The following EYS variants were observed in gnomAD, a reference collection of about 807,000 sequenced individuals.
The protein encoded by EYS is protein eyes shut homolog.
Under a neutral mutation model 282.1 loss-of-function variants are expected in EYS, and 250 were observed. The ratio of observed to expected loss-of-function variants is 0.89; its 90% CI spans 0.80 to 0.98. The LOEUF is 0.98. Among genes scored for constraint, EYS ranks in the 50% least tolerant of loss-of-function variants. The pLI is 0.00. For missense variants in EYS, 4,016 were observed against 3,709.0 expected (o/e 1.08, Z -2.15); for synonymous variants, 1,355 against 1,282.9 (o/e 1.06, Z -1.20).
intron 33 of EYS, among the ~76,000 whole-genome samples, chr6:64,055,612 T>G (rs1770959147): frequency 6.6e-6 from 1 of 152,180 alleles, no homozygotes; most frequent in Admixed American, 6.6e-5. Flanking sequence ...GGCTGTGCTG[T>G]ATGTTCTAAT....
At chr6:64,006,932 G>A (rs796645505) in intron 33 of EYS, among the ~76,000 whole-genome samples, 9 of 152,070 alleles carry the variant, frequency 5.9e-5, no homozygotes, top group African/African-American at 2.2e-4. Context: ...GATGTTCATC[G>A]AAGATATTGG....
At chr6:64,670,198 A>G (rs1262382676) in intron 22 of EYS, among the ~76,000 whole-genome samples, 1 of 152,050 alleles carries the variant, frequency 6.6e-6, no homozygotes, top group Non-Finnish European at 1.5e-5. Flanking sequence ...ATTTTTCCTT[A>G]GGGTAAAGCC....
At chr6:64,627,531 A>G (rs1278688835) in intron 22 of EYS, among the ~76,000 whole-genome samples, 2 of 152,352 alleles carry the variant, frequency 1.3e-5, no homozygotes, top group East Asian at 3.9e-4. Context: ...ACTTTACCAA[A>G]GTCACAAGAC....
chr6:65,368,206 C>T lies in EYS; in HGVS notation c.1300-14589G>A, dbSNP rs111646501. 9.2e-3 allele frequency among the ~76,000 whole-genome samples: 1,401 copies of T among 151,614 alleles called. 37 individuals carry two copies. The highest frequency in any genetic ancestry group is 0.032 in the African/African-American group (1,318 of 41,470). On this transcript the variant is annotated intron_variant, in intron 8 of 42. Transcript: ENST00000503581. ...ACCGCCCCCATGATTCAATTACCTC[C>T]CACTGGTTCCCTCCCATAACACATG... is the stretch of plus-strand genomic sequence containing the variant.
chr6:65,065,351 T>G (rs2150162218), intron 12 of EYS, among the ~76,000 whole-genome samples: 1 of 152,260 alleles, frequency 6.6e-6, no homozygotes, highest in Middle Eastern at 3.4e-3. Context: ...ATCAAAGGAT[T>G]TACTTAAAAG....
Position 65,601,794 on chromosome 6 carries a change from C to G in EYS, c.-333+37984G>C, listed in dbSNP as rs373327399. Among the ~76,000 whole-genome samples, 6 of 151,984 alleles carry G rather than the reference C, an allele frequency of 3.9e-5. No individual in the cohort carries two copies. The South Asian group carries it at 6.2e-4, about 16-fold the overall frequency. On this transcript the variant is annotated intron_variant, in intron 2 of 42. Coordinates refer to ENST00000503581, the MANE Select transcript of EYS (RefSeq NM_001142800.2). Reference sequence around the variant, plus strand: ...TTTCTTGACCAATTAAAAGTAATAACATGCCAACTTTGAGAATAATAGTGT... The same window carrying G: ...TTTCTTGACCAATTAAAAGTAATAAGATGCCAACTTTGAGAATAATAGTGT...
At chr6:64,007,775 A>G (rs1768420135) in intron 33 of EYS, among the ~76,000 whole-genome samples, 1 of 152,010 alleles carries the variant, frequency 6.6e-6, no homozygotes, top group Admixed American at 6.6e-5. Flanking sequence ...AGGTTGTTTA[A>G]TTTCCATGTG....
intron 1 of EYS, among the ~76,000 whole-genome samples, chr6:65,684,612 G>T (rs1438613514): frequency 6.6e-6 from 1 of 152,024 alleles, no homozygotes; most frequent in African/African-American, 2.4e-5. Flanking sequence ...CACTGGAGAA[G>T]TTTAAAAGCA....
At chr6:64,035,380 T>C (rs185937057) in intron 33 of EYS, among the ~76,000 whole-genome samples, 1 of 152,342 alleles carries the variant, frequency 6.6e-6, no homozygotes, top group East Asian at 1.9e-4. Flanking sequence ...AATGCAGTTA[T>C]AGCCTTAAAA....
intron 29 of EYS, among the ~76,000 whole-genome samples, chr6:64,384,044 T>C (rs74829940): frequency 0.017 from 2,611 of 152,290 alleles, 66 homozygotes; most frequent in African/African-American, 0.059. Context: ...TTCAGGAATC[T>C]CTCACAAGTC....
chr6:65,106,986 G>A (rs6920036), intron 12 of EYS, among the ~76,000 whole-genome samples: 35,497 of 151,842 alleles, frequency 0.23, 4,513 homozygotes, highest in African/African-American at 0.31. Flanking sequence ...TAACATTTCA[G>A]TGCTGCTCCT....
chr6:65,607,777 C>T (rs1765852404), intron 2 of EYS, among the ~76,000 whole-genome samples: 1 of 151,750 alleles, frequency 6.6e-6, no homozygotes, highest in Non-Finnish European at 1.5e-5. Context: ...AGAATTTTCT[C>T]CTTTCAGAAT....
intron 7 of EYS, among the ~76,000 whole-genome samples, chr6:65,389,197 C>T (rs1157218): frequency 0.41 from 62,827 of 151,996 alleles, 13,991 homozygotes; most frequent in South Asian, 0.5. Flanking sequence ...CACTGCAATA[C>T]TTGCCATTGT....
intron 12 of EYS, among the ~76,000 whole-genome samples, chr6:65,259,723 C>A (rs1767567440): frequency 6.6e-6 from 1 of 151,996 alleles, no homozygotes. Flanking sequence ...GAATTTAAGA[C>A]CTAACTCGAC....
At chr6:64,830,371 A>T (rs55871338) in intron 19 of EYS, among the ~76,000 whole-genome samples, 22,605 of 151,936 alleles carry the variant, frequency 0.15, 1,925 homozygotes, top group East Asian at 0.44. Context: ...GGAGGGGGGA[A>T]GTAGGACACT....
chr6:64,157,474 A>G (rs1412447425), intron 31 of EYS, among the ~76,000 whole-genome samples: 1 of 152,158 alleles, frequency 6.6e-6, no homozygotes. Flanking sequence ...GACAATGGGG[A>G]AAATGTCTCC....
rs189406424 is a variant in EYS at position 63,788,219 on chromosome 6, C to T, written c.7609G>A (p.Ala2537Thr). ...TTGAGACCAACCAGTCTTCCTGGGG[C>T]GATAATGGATTTATTTTTATGATCA... is the stretch of plus-strand genomic sequence containing the variant. ...VDDHKNKSIIAPGRLVGLNVF... is the reference protein window; with the variant it reads ...VDDHKNKSIITPGRLVGLNVF... The change falls in exon 39 of 43, where the codon GCC (alanine) becomes ACC (threonine). Residue 2537 changes from alanine to threonine, a missense_variant. Coordinates refer to ENST00000503581, the MANE Select transcript of EYS (RefSeq NM_001142800.2). 202 of 1,538,226 alleles carry T rather than the reference C, an allele frequency of 1.3e-4. 2 individuals are homozygous for T. In the East Asian group the frequency reaches 2.9e-3, roughly 22 times the overall value.
At chr6:64,165,118 T>C (rs190243913) in intron 31 of EYS, among the ~76,000 whole-genome samples, 9 of 152,222 alleles carry the variant, frequency 5.9e-5, no homozygotes, top group Admixed American at 2.0e-4. Context: ...AGTAGGGTCA[T>C]AAAACTGTAC....
At chr6:64,619,809 A>T (rs928125304) in intron 23 of EYS, among the ~76,000 whole-genome samples, 2 of 151,924 alleles carry the variant, frequency 1.3e-5, no homozygotes, top group African/African-American at 4.8e-5. Flanking sequence ...GGAGTACAGG[A>T]TTACATTTTT....
Sources: gnomAD v4.1 joint callset for allele counts (sites outside exome capture counted in the v4.1 genomes callset) on GRCh38, gnomAD v4.1.1 for gene constraint, MANE v1.5 for transcripts, NCBI Gene and HGNC (gene_info 2026-07-23, HGNC 2026-07-21) for gene names.